The following PDCD10 variants were observed in gnomAD, a reference collection of about 807,000 sequenced individuals.
The protein encoded by PDCD10 is programmed cell death protein 10.
A neutral mutation model predicts 29.2 loss-of-function variants in PDCD10; 4 were observed. The observed-to-expected ratio is 0.14, with a 90% CI of 0.07 to 0.31. The LOEUF (loss-of-function observed/expected upper bound fraction) is 0.31, where lower values mean the gene tolerates loss of function less well. PDCD10 is among the 10% of genes least tolerant of loss of function. The pLI, the probability that PDCD10 is intolerant of heterozygous loss-of-function variation, is 1.00. For missense variants in PDCD10, 183 were observed against 257.9 expected, an observed-to-expected ratio of 0.71 and a Z score of 1.99; for synonymous variants, 70 against 82.2, an observed-to-expected ratio of 0.85 and a Z score of 0.80.
intron 8 of PDCD10, among the ~76,000 whole-genome samples, chr3:167,686,782 C>G (rs776401879): frequency 6.6e-6 from 1 of 152,072 alleles, no homozygotes; most frequent in African/African-American, 2.4e-5. Flanking sequence ...TAAAGTAGGC[C>G]AATGAACTAA....
At chr3:167,711,691 A>G (rs1722537891) in intron 3 of PDCD10, among the ~76,000 whole-genome samples, 2 of 152,156 alleles carry the variant, frequency 1.3e-5, no homozygotes, top group Admixed American at 6.5e-5. Flanking sequence ...AAGAAGATTT[A>G]ATCCAAAGAA....
intron 2 of PDCD10, among the ~76,000 whole-genome samples, chr3:167,733,928 G>A (rs531766784): frequency 7.9e-5 from 12 of 152,026 alleles, no homozygotes; most frequent in Non-Finnish European, 1.5e-4. Context: ...TTTCCAAAAG[G>A]ATCTTTCCTT....
rs773292567 is a variant in PDCD10 at position 167,687,603 on chromosome 3, T to C, written c.474+12A>G. ...CTAGGGTGTCAACTAGCAAGGCTTCTACTAAACGTACCCTGCGGTTCTGGT... is the reference window on the plus strand; with the variant it reads ...CTAGGGTGTCAACTAGCAAGGCTTCCACTAAACGTACCCTGCGGTTCTGGT... On this transcript the variant is annotated intron_variant, in intron 7 of 8. Coordinates refer to ENST00000392750, the MANE Select transcript of PDCD10 (RefSeq NM_007217.4). 2.4e-5 allele frequency: 36 copies of C among 1,516,790 alleles called. No homozygotes were observed. Among genetic ancestry groups the C allele is most frequent in the Admixed American group, 3.3e-5 (2 of 59,896 alleles). 94.0% of individuals were successfully genotyped at this position (1,516,790 alleles called of 1,614,324 possible).
At chr3:167,730,149 TTA>T (rs1724649203) in intron 2 of PDCD10, among the ~76,000 whole-genome samples, 1 of 152,172 alleles carries the variant, frequency 6.6e-6, no homozygotes, top group South Asian at 2.1e-4. Context: ...ACCACAGTGT[TTA>T]TCTTTCAGCA....
rs564572533 is a variant in PDCD10, at chr3:167,713,625, T to C, written c.96+6437A>G. ...AAATATCAATGAAACAAAAACTTGG[T>C]TTTTTGAAAAGATAAGCAAAATTGA... On this transcript the variant is annotated intron_variant, in intron 3 of 8. Coordinates refer to ENST00000392750, the MANE Select transcript of PDCD10 (RefSeq NM_007217.4). Among the ~76,000 whole-genome samples, 4 of 151,992 alleles carry C rather than the reference T, an allele frequency of 2.6e-5. No individual in the cohort carries two copies. The South Asian group carries it at 8.3e-4, about 32-fold the overall frequency.
chr3:167,710,938 C>T (rs1051872769), intron 3 of PDCD10, among the ~76,000 whole-genome samples: 1 of 152,218 alleles, frequency 6.6e-6, no homozygotes, highest in Non-Finnish European at 1.5e-5. Context: ...TCTTCCAGAT[C>T]TTAGTCAACA....
chr3:167,733,268 A>G (rs990560718), intron 2 of PDCD10, among the ~76,000 whole-genome samples: 3 of 152,232 alleles, frequency 2.0e-5, no homozygotes, highest in Admixed American at 2.0e-4. Flanking sequence ...ATATAAAGTT[A>G]TCACAAATAA....
chr3:167,701,787 G>A lies in PDCD10; in HGVS notation c.150+3055C>T, dbSNP rs564924663. ...TACTGTTGTTATAGAAAAACCCATC[G>A]AGCCTAAAACAATAAATTTCTGCTG... is the stretch of plus-strand genomic sequence containing the variant. On this transcript the variant is annotated intron_variant, in intron 4 of 8. Coordinates refer to ENST00000392750, the MANE Select transcript of PDCD10 (RefSeq NM_007217.4). 2.1e-4 allele frequency among the ~76,000 whole-genome samples: 32 copies of A among 152,228 alleles called. No individual in the cohort carries two copies. In the South Asian group the frequency reaches 6.4e-3, roughly 31 times the overall value.
At chr3:167,721,055 G>A (rs746405182) in intron 2 of PDCD10, among the ~76,000 whole-genome samples, 28 of 152,050 alleles carry the variant, frequency 1.8e-4, no homozygotes, top group Admixed American at 6.6e-4. Flanking sequence ...AGTTTTTAAA[G>A]AGAATACAAC....
intron 2 of PDCD10, among the ~76,000 whole-genome samples, chr3:167,730,314 T>C (rs1724672445): frequency 6.6e-6 from 1 of 152,166 alleles, no homozygotes; most frequent in Non-Finnish European, 1.5e-5. Context: ...AACTTCTAAA[T>C]CACTTTTACA....
chr3:167,710,670 C>T (rs779323591), intron 3 of PDCD10, among the ~76,000 whole-genome samples: 1 of 152,204 alleles, frequency 6.6e-6, no homozygotes, highest in Non-Finnish European at 1.5e-5. Context: ...GGCTTCACTA[C>T]CTGCTGATTG....
At chr3:167,700,958 G>A (rs1455389390) in intron 4 of PDCD10, among the ~76,000 whole-genome samples, 2 of 152,116 alleles carry the variant, frequency 1.3e-5, no homozygotes, top group East Asian at 1.9e-4. Flanking sequence ...GCAGAGAAGT[G>A]AGCACCAGAA....
At chr3:167,715,165 GAA>G (rs1341386655) in intron 3 of PDCD10, among the ~76,000 whole-genome samples, 2 of 151,812 alleles carry the variant, frequency 1.3e-5, no homozygotes, top group East Asian at 1.9e-4. Context: ...ATATACTGGA[GAA>G]AAGAGTCCCT....
chr3:167,717,914 T>A (rs1391795910), intron 3 of PDCD10, among the ~76,000 whole-genome samples: 7 of 152,140 alleles, frequency 4.6e-5, no homozygotes, highest in Non-Finnish European at 1.5e-5. Context: ...CTTTTCTAAT[T>A]TCTCTTCATT....
In PDCD10 at chr3:167,733,067, G is replaced by C. The variant is rs1382600702; in HGVS notation, c.-117+1147C>G. Among the ~76,000 whole-genome samples the C allele has an allele frequency of 3.9e-5, 6 of 152,068 alleles. No homozygotes were observed. In the East Asian group the frequency reaches 1.2e-3, roughly 29 times the overall value. ...GACCATCTTAATTTCAACCATCAGG[G>C]AAGATAATACCTCTGTTCCGAAAAA... On this transcript the variant is annotated intron_variant, in intron 2 of 8. Transcript: ENST00000392750.
intron 2 of PDCD10, among the ~76,000 whole-genome samples, chr3:167,729,285 A>G (rs560764977): frequency 1.3e-5 from 2 of 152,262 alleles, no homozygotes; most frequent in South Asian, 2.1e-4. Context: ...TTAGTCTACA[A>G]CGTGTATTTC....
At chr3:167,733,174 G>A (rs1356367161) in intron 2 of PDCD10, among the ~76,000 whole-genome samples, 1 of 151,956 alleles carries the variant, frequency 6.6e-6, no homozygotes, top group Non-Finnish European at 1.5e-5. Flanking sequence ...ATAGTCTGAT[G>A]ATCAACTTAT....
In PDCD10 at chr3:167,695,636, C is replaced by T; in HGVS notation, c.355G>A (p.Asp119Asn). 1 of 1,612,524 alleles carries T rather than the reference C, an allele frequency of 6.2e-7. No individual in the cohort carries two copies. The highest frequency in any genetic ancestry group is 8.5e-7 in the Non-Finnish European group (1 of 1,178,556). ...AACCTCACTCTGTCATTGATCTCAT[C>T]TGGGATCTTACTGAGAATTTGTTTA... ...ALKQILSKIPDEINDRVRFLQ... is the reference protein window; with the variant it reads ...ALKQILSKIPNEINDRVRFLQ... Residue 119 changes from aspartate to asparagine, a missense_variant, in exon 6 of 9, where the codon GAT (aspartate) becomes AAT (asparagine). Physicochemically the swap from Asp to Asn is conservative, Grantham distance 23. Coordinates refer to ENST00000392750, the MANE Select transcript of PDCD10 (RefSeq NM_007217.4).
intron 4 of PDCD10, chr3:167,704,494 T>C (rs1260213308): frequency 4.9e-6 from 1 of 204,572 alleles, no homozygotes; most frequent in Non-Finnish European, 1.0e-5. Context: ...TCTCAAAGTG[T>C]TGGGATGACA....
Sources: allele counts gnomAD v4.1 joint callset (sites outside exome capture counted in the v4.1 genomes callset), GRCh38; gene constraint gnomAD v4.1.1; transcripts MANE v1.5; gene names NCBI Gene and HGNC (gene_info 2026-07-23, HGNC 2026-07-21).